The following CCBE1 variants were observed in gnomAD, a reference collection of about 807,000 sequenced individuals.
The protein encoded by CCBE1 is collagen and calcium binding EGF domains 1, also known as collagen and calcium-binding EGF domain-containing protein 1.
A neutral mutation model predicts 50.0 loss-of-function variants in CCBE1; 37 were observed. That is an observed-to-expected ratio of 0.74 (90% confidence interval 0.57 to 0.97). CCBE1 has a LOEUF of 0.97. Ranked by LOEUF, CCBE1 falls within the 50% of genes least tolerant of loss-of-function variation. The pLI is 0.00. For synonymous variants in CCBE1, 234 were observed against 203.7 expected (o/e 1.15, Z -1.27); for missense variants, 538 against 523.8 (o/e 1.03, Z -0.26).
At chr18:59,445,331 A>G (rs1910621809) in intron 7 of CCBE1, among the ~76,000 whole-genome samples, 1 of 152,208 alleles carries the variant, frequency 6.6e-6, no homozygotes. Flanking sequence ...ATTTATTAGC[A>G]TATCCTCAGA....
At chr18:59,580,458 G>A (rs945295508) in intron 2 of CCBE1, among the ~76,000 whole-genome samples, 1 of 152,172 alleles carries the variant, frequency 6.6e-6, no homozygotes, top group African/African-American at 2.4e-5. Context: ...ATGTCGTCAG[G>A]ACCTCCTGAG....
chr18:59,449,537 G>T (rs2143654662), intron 6 of CCBE1, among the ~76,000 whole-genome samples: 1 of 150,894 alleles, frequency 6.6e-6, no homozygotes, highest in African/African-American at 2.4e-5. Flanking sequence ...CAGGAGAACT[G>T]CTTGGACCCA....
intron 6 of CCBE1, among the ~76,000 whole-genome samples, chr18:59,448,465 C>A (rs191989788): frequency 2.6e-5 from 4 of 152,200 alleles, no homozygotes; most frequent in Non-Finnish European, 5.9e-5. Context: ...CTACTATGTG[C>A]AGGTCCTGGC....
intron 2 of CCBE1, among the ~76,000 whole-genome samples, chr18:59,680,715 A>G (rs1304852413): frequency 6.6e-6 from 1 of 151,556 alleles, no homozygotes; most frequent in Non-Finnish European, 1.5e-5. Context: ...AAAAGAAAAA[A>G]CAAAACAAAA....
chr18:59,437,442 G>A (rs1910209808), intron 10 of CCBE1, among the ~76,000 whole-genome samples: 1 of 152,212 alleles, frequency 6.6e-6, no homozygotes, highest in Non-Finnish European at 1.5e-5. Context: ...AGAATGCCCA[G>A]AGACCCTCAG....
intron 2 of CCBE1, among the ~76,000 whole-genome samples, chr18:59,584,848 T>C (rs1421691212): frequency 6.6e-6 from 1 of 152,198 alleles, no homozygotes; most frequent in Non-Finnish European, 1.5e-5. Context: ...CAGGTATTTC[T>C]TAATAGCAAT....
intron 2 of CCBE1, among the ~76,000 whole-genome samples, chr18:59,587,985 G>A (rs577339189): frequency 1.0e-3 from 153 of 152,288 alleles, no homozygotes; most frequent in African/African-American, 3.6e-3. Context: ...AATTAGAGAA[G>A]GCTAAGAAGA....
intron 2 of CCBE1, among the ~76,000 whole-genome samples, chr18:59,653,620 G>A (rs934615011): frequency 5.3e-5 from 8 of 152,070 alleles, no homozygotes; most frequent in Admixed American, 2.6e-4. Flanking sequence ...ATTGACCAAG[G>A]TCACCCAGTA....
intron 2 of CCBE1, among the ~76,000 whole-genome samples, chr18:59,548,252 T>C (rs935575482): frequency 6.6e-6 from 1 of 152,216 alleles, no homozygotes; most frequent in African/African-American, 2.4e-5. Flanking sequence ...AAAAGAAAGA[T>C]ATCTTTGTTA....
At chr18:59,475,343 T>C (rs921261153) in intron 3 of CCBE1, among the ~76,000 whole-genome samples, 3 of 152,226 alleles carry the variant, frequency 2.0e-5, no homozygotes, top group African/African-American at 7.2e-5. Flanking sequence ...CTTTACAACT[T>C]GCTACTAATC....
chr18:59,486,117 G>C (rs1293182978), intron 2 of CCBE1, among the ~76,000 whole-genome samples: 1 of 152,114 alleles, frequency 6.6e-6, no homozygotes, highest in Non-Finnish European at 1.5e-5. Flanking sequence ...ATCTTGCTGA[G>C]CTTCAGACTC....
At chr18:59,645,890 G>A (rs1233084656) in intron 2 of CCBE1, among the ~76,000 whole-genome samples, 3 of 152,158 alleles carry the variant, frequency 2.0e-5, no homozygotes, top group Non-Finnish European at 2.9e-5. Context: ...AAATAGCCGG[G>A]TGTGGTGGCG....
At chr18:59,548,461 G>C (rs1029786252) in intron 2 of CCBE1, among the ~76,000 whole-genome samples, 7 of 152,204 alleles carry the variant, frequency 4.6e-5, no homozygotes, top group African/African-American at 1.7e-4. Flanking sequence ...AGGTCATCAG[G>C]ATTCCTTTCA....
At chr18:59,558,124 A>C (rs1001359199) in intron 2 of CCBE1, among the ~76,000 whole-genome samples, 1 of 152,202 alleles carries the variant, frequency 6.6e-6, no homozygotes, top group African/African-American at 2.4e-5. Flanking sequence ...TCTTAACATC[A>C]TTCGCAATTC....
At chr18:59,484,494 A>T (rs1001036695) in intron 2 of CCBE1, among the ~76,000 whole-genome samples, 1 of 152,232 alleles carries the variant, frequency 6.6e-6, no homozygotes, top group Non-Finnish European at 1.5e-5. Flanking sequence ...AAACTTGGGC[A>T]CTGTGACCTT....
At chr18:59,677,863 C>G (rs2054527973) in intron 2 of CCBE1, among the ~76,000 whole-genome samples, 1 of 152,038 alleles carries the variant, frequency 6.6e-6, no homozygotes, top group Admixed American at 6.6e-5. Flanking sequence ...GTGGGGATGG[C>G]TTTTGATTAT....
chr18:59,690,608 A>C (rs2054717365), intron 2 of CCBE1, among the ~76,000 whole-genome samples: 1 of 152,222 alleles, frequency 6.6e-6, no homozygotes, highest in Admixed American at 6.5e-5. Flanking sequence ...ACAAAGGATG[A>C]AGTTAACCAT....
At chr18:59,618,113 C>T (rs775634821) in intron 2 of CCBE1, among the ~76,000 whole-genome samples, 5 of 152,026 alleles carry the variant, frequency 3.3e-5, no homozygotes, top group Non-Finnish European at 4.4e-5. Context: ...GATGGATTAA[C>T]GTTCTATGTT....
chr18:59,662,864 G>C (rs1157330217), intron 2 of CCBE1, among the ~76,000 whole-genome samples: 1 of 152,228 alleles, frequency 6.6e-6, no homozygotes, highest in East Asian at 1.9e-4. Flanking sequence ...TGTAGTCCCA[G>C]CTACTTGAGA....
Sources: gnomAD v4.1 joint callset for allele counts (sites outside exome capture counted in the v4.1 genomes callset) on GRCh38, gnomAD v4.1.1 for gene constraint, MANE v1.5 for transcripts, NCBI Gene and HGNC (gene_info 2026-07-23, HGNC 2026-07-21) for gene names.